ADGRB3: variants seen among roughly 807,000 people sequenced by gnomAD.
The protein encoded by ADGRB3 is adhesion G protein-coupled receptor B3.
ADGRB3 carries 37 observed loss-of-function variants against 193.4 expected under a neutral mutation model. The ratio of observed to expected loss-of-function variants is 0.19; its 90% CI spans 0.15 to 0.25. The LOEUF (loss-of-function observed/expected upper bound fraction) is 0.25. ADGRB3 is among the 10% of genes least tolerant of loss of function. The probability of loss-of-function intolerance (pLI) is 1.00; values close to 1 mark genes in which losing one functional copy is unlikely to be tolerated. For missense variants in ADGRB3, 1,637 were observed against 1,852.9 expected (o/e 0.88, Z 2.14); for synonymous variants, 690 against 644.2 (o/e 1.07, Z -1.08).
At chr6:69,186,348 A>G (rs989164893) in intron 17 of ADGRB3, among the ~76,000 whole-genome samples, 5 of 152,106 alleles carry the variant, frequency 3.3e-5, no homozygotes, top group African/African-American at 1.2e-4. Context: ...CATAGAAGCA[A>G]CATTAGAAGG....
chr6:68,677,141 G>A (rs773280473), intron 3 of ADGRB3, among the ~76,000 whole-genome samples: 1 of 152,126 alleles, frequency 6.6e-6, no homozygotes, highest in African/African-American at 2.4e-5. Flanking sequence ...TATTGGCGAG[G>A]TTCCGTTGTT....
At chr6:69,280,291 T>C (rs1474370416) in intron 20 of ADGRB3, among the ~76,000 whole-genome samples, 1 of 152,090 alleles carries the variant, frequency 6.6e-6, no homozygotes, top group Non-Finnish European at 1.5e-5. Flanking sequence ...TCTCACGAGG[T>C]AGAACTGACC....
chr6:68,900,915 T>C (rs1269856760), intron 3 of ADGRB3, among the ~76,000 whole-genome samples: 1 of 152,172 alleles, frequency 6.6e-6, no homozygotes, highest in Non-Finnish European at 1.5e-5. Context: ...ATTTATACAA[T>C]GACTTATTTT....
chr6:68,818,307 G>A (rs890637197), intron 3 of ADGRB3, among the ~76,000 whole-genome samples: 6 of 151,976 alleles, frequency 3.9e-5, no homozygotes, highest in Non-Finnish European at 7.4e-5. Flanking sequence ...CTTTCATAAG[G>A]ATGCTCATTG....
chr6:69,332,073 AAAG>A (rs1207078462), intron 23 of ADGRB3: 2 of 985,310 alleles, frequency 2.0e-6, no homozygotes, highest in East Asian at 1.1e-4. Context: ...AGAAAGGCAA[AAAG>A]AAGAACATAT....
At chr6:69,346,690 A>C (rs1392269895) in intron 26 of ADGRB3, among the ~76,000 whole-genome samples, 1 of 152,228 alleles carries the variant, frequency 6.6e-6, no homozygotes, top group African/African-American at 2.4e-5. Context: ...GATCATTAAA[A>C]AGTCAGGAAA....
At chr6:69,045,009 T>A (rs948537196) in intron 13 of ADGRB3, among the ~76,000 whole-genome samples, 6 of 152,338 alleles carry the variant, frequency 3.9e-5, no homozygotes, top group Admixed American at 1.3e-4. Flanking sequence ...TGTCCCTTTA[T>A]CAGCATGAGG....
chr6:69,219,012 C>T (rs912515457), intron 17 of ADGRB3, among the ~76,000 whole-genome samples: 16 of 152,138 alleles, frequency 1.1e-4, no homozygotes, highest in African/African-American at 3.1e-4. Flanking sequence ...TTCTTTAAAT[C>T]TCAGTCTGTC....
chr6:69,214,564 T>C (rs972879076), intron 17 of ADGRB3, among the ~76,000 whole-genome samples: 2 of 152,086 alleles, frequency 1.3e-5, no homozygotes, highest in Non-Finnish European at 2.9e-5. Flanking sequence ...TGATTTTAGC[T>C]GTAAAGACTA....
chr6:68,951,791 T>A (rs554625091), intron 6 of ADGRB3, among the ~76,000 whole-genome samples: 14 of 152,220 alleles, frequency 9.2e-5, no homozygotes, highest in African/African-American at 3.4e-4. Context: ...ATATTGGAAG[T>A]AAGCCATACA....
chr6:69,327,207 T>C (rs564289342), intron 21 of ADGRB3, among the ~76,000 whole-genome samples: 2 of 152,302 alleles, frequency 1.3e-5, no homozygotes, highest in East Asian at 3.9e-4. Context: ...GGGGGTTCTA[T>C]TGAACTTGAA....
intron 17 of ADGRB3, among the ~76,000 whole-genome samples, chr6:69,173,060 C>A (rs184065423): frequency 1.3e-5 from 2 of 150,260 alleles, no homozygotes; most frequent in Admixed American, 6.6e-5. Flanking sequence ...TGTTTTGAGA[C>A]GAAGTCTCAC....
intron 17 of ADGRB3, among the ~76,000 whole-genome samples, chr6:69,212,900 T>G (rs761427219): frequency 2.6e-5 from 4 of 152,168 alleles, no homozygotes; most frequent in Non-Finnish European, 5.9e-5. Context: ...TAGCAGACAT[T>G]ATTTTAGTTT....
At chr6:69,292,965 C>G (rs1358212243) in intron 20 of ADGRB3, among the ~76,000 whole-genome samples, 3 of 151,654 alleles carry the variant, frequency 2.0e-5, no homozygotes, top group Non-Finnish European at 4.4e-5. Flanking sequence ...GCTGCATCTC[C>G]TCTGTGATTC....
intron 3 of ADGRB3, among the ~76,000 whole-genome samples, chr6:68,777,055 T>C (rs1426175947): frequency 6.6e-6 from 1 of 152,100 alleles, no homozygotes; most frequent in Non-Finnish European, 1.5e-5. Flanking sequence ...AAAAACTGAT[T>C]TAATATACAA....
chr6:69,067,811 A>G (rs1233650679), intron 16 of ADGRB3, among the ~76,000 whole-genome samples: 1 of 152,196 alleles, frequency 6.6e-6, no homozygotes, highest in East Asian at 1.9e-4. Flanking sequence ...TTTTGGTTAT[A>G]GCCTAAATTT....
chr6:69,046,811 T>C (rs1771249436), intron 13 of ADGRB3, among the ~76,000 whole-genome samples: 1 of 152,222 alleles, frequency 6.6e-6, no homozygotes, highest in Non-Finnish European at 1.5e-5. Context: ...ATCCTCCTGA[T>C]TTAAATTACA....
chr6:68,807,888 G>T (rs572056939), intron 3 of ADGRB3, among the ~76,000 whole-genome samples: 2 of 152,090 alleles, frequency 1.3e-5, no homozygotes, highest in African/African-American at 4.8e-5. Flanking sequence ...TGGGAGATAA[G>T]AAAACATTTA....
chr6:69,055,235 A>G (rs567661331), intron 15 of ADGRB3, among the ~76,000 whole-genome samples: 18 of 152,346 alleles, frequency 1.2e-4, no homozygotes, highest in African/African-American at 4.1e-4. Context: ...TAACATCTCT[A>G]GAAACTTTTC....
Sources: gnomAD v4.1 joint callset for allele counts (sites outside exome capture counted in the v4.1 genomes callset) on GRCh38, gnomAD v4.1.1 for gene constraint, MANE v1.5 for transcripts, NCBI Gene and HGNC (gene_info 2026-07-23, HGNC 2026-07-21) for gene names.